Variants in NKAIN2 observed in about 807,000 individuals in gnomAD.
NKAIN2 encodes sodium/potassium-transporting ATPase subunit beta-1-interacting protein 2.
NKAIN2 carries 14 observed loss-of-function variants against 32.6 expected under a neutral mutation model. The observed-to-expected ratio is 0.43, with a 90% CI of 0.28 to 0.67. The LOEUF (loss-of-function observed/expected upper bound fraction) is 0.67, where lower values mean the gene tolerates loss of function less well. Ranked by LOEUF, NKAIN2 falls within the 30% of genes least tolerant of loss-of-function variation. The pLI, the probability that NKAIN2 is intolerant of heterozygous loss-of-function variation, is 0.17. For missense variants in NKAIN2, 198 were observed against 258.3 expected (o/e 0.77, Z 1.60); for synonymous variants, 80 against 87.2 (o/e 0.92, Z 0.46).
chr6:124,271,917 A>C lies in NKAIN2; in HGVS notation c.55-11088A>C, dbSNP rs143769216. ...AGATCTATGGAAATTTGAACTTGAGAGAGATGATTTAGGGTATCTGGCGGA... is the reference window on the plus strand; with the variant it reads ...AGATCTATGGAAATTTGAACTTGAGCGAGATGATTTAGGGTATCTGGCGGA... On this transcript the variant is annotated intron_variant, in intron 1 of 6. Coordinates refer to ENST00000368417, the MANE Select transcript of NKAIN2 (RefSeq NM_001040214.3). Among the ~76,000 whole-genome samples the C allele has an allele frequency of 1.2e-3, 190 of 152,276 alleles. 1 individual carries two copies. The highest frequency in any genetic ancestry group is 4.4e-3 in the African/African-American group (183 of 41,554).
intron 1 of NKAIN2, among the ~76,000 whole-genome samples, chr6:123,804,913 C>A (rs1160655804): frequency 6.6e-6 from 1 of 152,100 alleles, no homozygotes; most frequent in Admixed American, 6.5e-5. Flanking sequence ...ACAGACAATT[C>A]CAAGAAAAAC....
chr6:123,887,361 G>A (rs187707817), intron 1 of NKAIN2, among the ~76,000 whole-genome samples: 3 of 152,156 alleles, frequency 2.0e-5, no homozygotes, highest in East Asian at 3.9e-4. Flanking sequence ...ACTTTATTGC[G>A]TGACTTATTC....
At chr6:124,569,259 T>C (rs1335030909) in intron 3 of NKAIN2, among the ~76,000 whole-genome samples, 1 of 152,264 alleles carries the variant, frequency 6.6e-6, no homozygotes, top group African/African-American at 2.4e-5. Flanking sequence ...TTTTATCTCC[T>C]GATTGAGATA....
chr6:124,008,554 C>G (rs9482500), intron 1 of NKAIN2, among the ~76,000 whole-genome samples: 1 of 151,964 alleles, frequency 6.6e-6, no homozygotes, highest in Non-Finnish European at 1.5e-5. Context: ...GAACTAATGC[C>G]ATTGTGAGGC....
chr6:123,895,676 G>T (rs542852935), intron 1 of NKAIN2, among the ~76,000 whole-genome samples: 1 of 152,272 alleles, frequency 6.6e-6, no homozygotes, highest in South Asian at 2.1e-4. Context: ...TAATGCAAAC[G>T]TAAGTTTAAA....
At chr6:124,132,770 C>G (rs1010319089) in intron 1 of NKAIN2, among the ~76,000 whole-genome samples, 3 of 152,220 alleles carry the variant, frequency 2.0e-5, no homozygotes, top group Non-Finnish European at 4.4e-5. Flanking sequence ...GAGGACTGGT[C>G]ACATCACAGG....
chr6:124,097,401 T>TAAAA (rs35090835), intron 1 of NKAIN2, among the ~76,000 whole-genome samples: 6 of 132,458 alleles, frequency 4.5e-5, no homozygotes, highest in African/African-American at 1.7e-4. Flanking sequence ...GACTTCGTCT[T>TAAAA]AAAAAAAAAA....
intron 3 of NKAIN2, among the ~76,000 whole-genome samples, chr6:124,459,056 A>G (rs945555091): frequency 2.0e-5 from 3 of 151,808 alleles, no homozygotes; most frequent in Non-Finnish European, 2.9e-5. Flanking sequence ...CTAGTTTTTG[A>G]TCACCAAAGG....
At chr6:124,424,899 T>C (rs1427450808) in intron 3 of NKAIN2, among the ~76,000 whole-genome samples, 1 of 152,182 alleles carries the variant, frequency 6.6e-6, no homozygotes, top group Non-Finnish European at 1.5e-5. Flanking sequence ...AAGATATTGG[T>C]TTCTTTTCCT....
chr6:124,600,165 T>C (rs1162196853), intron 3 of NKAIN2, among the ~76,000 whole-genome samples: 1 of 152,072 alleles, frequency 6.6e-6, no homozygotes, highest in Non-Finnish European at 1.5e-5. Context: ...GTTCCGGGTG[T>C]TGTTTATGGG....
chr6:124,269,223 T>C (rs1254746684), intron 1 of NKAIN2, among the ~76,000 whole-genome samples: 1 of 152,180 alleles, frequency 6.6e-6, no homozygotes, highest in Non-Finnish European at 1.5e-5. Flanking sequence ...CAGTCACCTC[T>C]GTCAACAGGA....
At chr6:124,137,658 G>T (rs1187528757) in intron 1 of NKAIN2, among the ~76,000 whole-genome samples, 1 of 151,950 alleles carries the variant, frequency 6.6e-6, no homozygotes, top group Admixed American at 6.6e-5. Context: ...CCAATAAAAA[G>T]ATAGGTATAT....
intron 1 of NKAIN2, among the ~76,000 whole-genome samples, chr6:123,913,413 A>G (rs900390859): frequency 6.6e-6 from 1 of 152,166 alleles, no homozygotes; most frequent in Non-Finnish European, 1.5e-5. Context: ...GGTCATGACC[A>G]TCTTCTCCTT....
chr6:124,334,176 G>T (rs887935981), intron 2 of NKAIN2, among the ~76,000 whole-genome samples: 1 of 152,088 alleles, frequency 6.6e-6, no homozygotes, highest in African/African-American at 2.4e-5. Flanking sequence ...TGAGCACATG[G>T]TTCTCTCTTC....
chr6:124,687,496 A>C (rs1774007941), intron 4 of NKAIN2, among the ~76,000 whole-genome samples: 1 of 28,950 alleles, frequency 3.5e-5, no homozygotes. Context: ...TTCCATACAT[A>C]TACATACATG....
chr6:124,792,519 T>C (rs1779792835), intron 5 of NKAIN2, among the ~76,000 whole-genome samples: 1 of 152,124 alleles, frequency 6.6e-6, no homozygotes, highest in South Asian at 2.1e-4. Flanking sequence ...CCTTTGGAGA[T>C]TTTAGGATGA....
intron 3 of NKAIN2, among the ~76,000 whole-genome samples, chr6:124,482,813 A>G (rs1777503032): frequency 6.6e-6 from 1 of 152,204 alleles, no homozygotes; most frequent in Non-Finnish European, 1.5e-5. Flanking sequence ...TGTTTTGCTA[A>G]TAACAATGGT....
intron 4 of NKAIN2, among the ~76,000 whole-genome samples, chr6:124,779,928 T>G (rs1779183298): frequency 6.6e-6 from 1 of 151,446 alleles, no homozygotes; most frequent in Non-Finnish European, 1.5e-5. Context: ...GCCACTAAAT[T>G]TTGGTTTGGT....
intron 2 of NKAIN2, among the ~76,000 whole-genome samples, chr6:124,286,673 T>TGTGTGTGC (rs1177278233): frequency 9.8e-6 from 1 of 101,890 alleles, no homozygotes; most frequent in African/African-American, 5.5e-5. Context: ...TGTGTGTGTG[T>TGTGTGTGC]GCGCGCGCGT....
Sources: allele counts gnomAD v4.1 joint callset (sites outside exome capture counted in the v4.1 genomes callset), GRCh38; gene constraint gnomAD v4.1.1; transcripts MANE v1.5; gene names NCBI Gene and HGNC (gene_info 2026-07-23, HGNC 2026-07-21).